Variants in MICAL2 observed in about 807,000 individuals in gnomAD.
MICAL2 encodes the protein [F-actin]-monooxygenase MICAL2.
MICAL2 carries 77 observed loss-of-function variants against 127.3 expected under a neutral mutation model. That is an observed-to-expected ratio of 0.60 (90% CI 0.50 to 0.73). MICAL2 has a LOEUF of 0.73. MICAL2 is among the 30% of genes least tolerant of loss of function. The pLI is 0.00. For missense variants in MICAL2, 1,351 were observed against 1,434.4 expected, an observed-to-expected ratio of 0.94 and a Z score of 0.94; for synonymous variants, 570 against 551.1, an observed-to-expected ratio of 1.03 and a Z score of -0.48.
In MICAL2 at chr11:12,188,270, A is replaced by T. The variant is rs1404674639; in HGVS notation, c.265-15980A>T. On this transcript the variant is annotated intron_variant, in intron 3 of 27. Transcript: ENST00000683283. ...TATAATAGATTAGAATATTGAAATT[A>T]ACTTCCTATTTCTTGTCACTTTTTT... Among the ~76,000 whole-genome samples, 4 of 152,354 alleles carry T rather than the reference A, an allele frequency of 2.6e-5. No homozygotes were observed. The South Asian group carries it at 6.2e-4, about 24-fold the overall frequency.
chr11:12,153,217 T>C (rs1451030333), intron 2 of MICAL2: 1 of 151,754 alleles, frequency 6.6e-6, no homozygotes, highest in Non-Finnish European at 1.5e-5. Context: ...TCTTTGTTTT[T>C]TTGTAGAGAC....
intron 24 of MICAL2, among the ~76,000 whole-genome samples, chr11:12,268,932 G>A (rs527713900): frequency 1.7e-3 from 265 of 152,240 alleles, no homozygotes; most frequent in Non-Finnish European, 2.8e-3. Context: ...CCGGGAGGCG[G>A]AGCTTGCAGT....
chr11:12,198,923 C>G (rs1040616909), intron 3 of MICAL2, among the ~76,000 whole-genome samples: 1 of 152,186 alleles, frequency 6.6e-6, no homozygotes, highest in African/African-American at 2.4e-5. Context: ...CCCTGTGAAC[C>G]CAGCCTGAAC....
At chr11:12,342,533 T>G (rs1219728302) in intron 32 of MICAL2, among the ~76,000 whole-genome samples, 1 of 152,184 alleles carries the variant, frequency 6.6e-6, no homozygotes, top group Non-Finnish European at 1.5e-5. Flanking sequence ...AAATAATCCA[T>G]ATTGAACTAT....
intron 29 of MICAL2, among the ~76,000 whole-genome samples, chr11:12,319,352 A>G (rs1189530681): frequency 6.6e-6 from 1 of 151,636 alleles, no homozygotes; most frequent in Non-Finnish European, 1.5e-5. Flanking sequence ...ATGCATTTTA[A>G]TAATAGATTT....
intron 24 of MICAL2, among the ~76,000 whole-genome samples, chr11:12,270,711 C>A (rs1863665111): frequency 6.6e-6 from 1 of 152,214 alleles, no homozygotes; most frequent in South Asian, 2.1e-4. Flanking sequence ...CTTTTCTCTG[C>A]AGAGAGAACA....
Position 12,221,675 on chromosome 11 carries a change from G to T in MICAL2, c.1238G>T (p.Arg413Leu), listed in dbSNP as rs780210943. ...TGGCCCATGGGTACAGGCTGTGCCC[G>T]TGGCTTCCTGGCAGCCTTTGACACG... ...PFWPMGTGCA[R>L]GFLAAFDTAW... Residue 413 changes from arginine (R) to leucine (L), a missense_variant, in exon 10 of 28, where the codon CGT (arginine) becomes CTT (leucine). Arg to Leu is a moderately radical substitution (Grantham distance 102). Coordinates refer to ENST00000683283, the MANE Select transcript of MICAL2 (RefSeq NM_001282663.2). The T allele has an allele frequency of 6.2e-7, 1 of 1,613,686 alleles. No individual in the cohort carries two copies. Among genetic ancestry groups the T allele is most frequent in the Non-Finnish European group, 8.5e-7 (1 of 1,179,772 alleles).
At chr11:12,295,835 C>T (rs1376910275), downstream of MICAL2, among the ~76,000 whole-genome samples, 1 of 152,008 alleles carries the variant, frequency 6.6e-6, no homozygotes, top group East Asian at 1.9e-4. Flanking sequence ...TTATTGTTAA[C>T]TTATATTTGT....
At chr11:12,249,295 A>G (rs759937227) in intron 22 of MICAL2, 49 bp downstream of exon 22, 2 of 1,079,774 alleles carry the variant, frequency 1.9e-6, no homozygotes, top group South Asian at 2.5e-5. Flanking sequence ...GCAAAGGGGG[A>G]TTATCAGACC....
chr11:12,210,334 G>T (rs947356950), intron 6 of MICAL2, among the ~76,000 whole-genome samples: 1 of 152,170 alleles, frequency 6.6e-6, no homozygotes, highest in Non-Finnish European at 1.5e-5. Context: ...GAGACCATGG[G>T]TTATAAACAA....
intron 32 of MICAL2, among the ~76,000 whole-genome samples, chr11:12,334,467 A>G (rs1938709589): frequency 1.3e-5 from 2 of 151,768 alleles, no homozygotes; most frequent in East Asian, 1.9e-4. Flanking sequence ...TATTATTATT[A>G]TACTTTAAGT....
intron 26 of MICAL2, chr11:12,260,206 C>T: frequency 4.1e-6 from 6 of 1,466,646 alleles, no homozygotes; most frequent in East Asian, 2.5e-5. Flanking sequence ...CTTCACATTT[C>T]CAGGGAGGCT....
chr11:12,211,363 A>C (rs1855439140), intron 6 of MICAL2, among the ~76,000 whole-genome samples: 1 of 152,234 alleles, frequency 6.6e-6, no homozygotes, highest in Non-Finnish European at 1.5e-5. Flanking sequence ...GCTGGGTGAC[A>C]GAGCAAGACT....
intron 11 of MICAL2, among the ~76,000 whole-genome samples, chr11:12,222,947 G>T (rs185934247): frequency 6.6e-6 from 1 of 152,162 alleles, no homozygotes; most frequent in Non-Finnish European, 1.5e-5. Flanking sequence ...ACACATGTAG[G>T]GGGAGAGATT....
At chr11:12,243,758 A>G (rs1408508788) in intron 20 of MICAL2, among the ~76,000 whole-genome samples, 1 of 152,164 alleles carries the variant, frequency 6.6e-6, no homozygotes, top group Non-Finnish European at 1.5e-5. Flanking sequence ...TGCATGAGCT[A>G]TTTCGGTGTG....
chr11:12,293,380 G>A (rs3812751), downstream of MICAL2, among the ~76,000 whole-genome samples: 1 of 151,964 alleles, frequency 6.6e-6, no homozygotes, highest in Admixed American at 6.5e-5. Flanking sequence ...AGGACCCAAG[G>A]CAGCTACTTA....
chr11:12,137,722 T>C (rs539843434), intron 1 of MICAL2, among the ~76,000 whole-genome samples: 9 of 152,340 alleles, frequency 5.9e-5, no homozygotes, highest in African/African-American at 1.7e-4. Context: ...TTAGTTTTTG[T>C]CCCTTTGAGG....
chr11:12,118,921 C>T (rs781118478), intron 1 of MICAL2, among the ~76,000 whole-genome samples: 1 of 152,172 alleles, frequency 6.6e-6, no homozygotes, highest in Non-Finnish European at 1.5e-5. Flanking sequence ...GAATGAATGA[C>T]ACTGGTATGG....
At chr11:12,197,670 G>C (rs1032151) in intron 3 of MICAL2, 2 of 152,142 alleles carry the variant, frequency 1.3e-5, no homozygotes, top group South Asian at 4.1e-4. Context: ...ACCCAGAGAG[G>C]TACAAGCCCT....
Sources: allele counts gnomAD v4.1 joint callset (sites outside exome capture counted in the v4.1 genomes callset), GRCh38; gene constraint gnomAD v4.1.1; transcripts MANE v1.5; gene names NCBI Gene and HGNC (gene_info 2026-07-23, HGNC 2026-07-21).